Variants in PPM1L observed in about 807,000 individuals in gnomAD.
PPM1L encodes the protein protein phosphatase, Mg2+/Mn2+ dependent 1L.
In PPM1L, 13 loss-of-function variants were observed where a neutral mutation model predicts 31.4. The observed-to-expected ratio is 0.41, with a 90% confidence interval of 0.27 to 0.66. PPM1L has a LOEUF of 0.66. Among genes scored for constraint, PPM1L ranks in the 30% least tolerant of loss-of-function variants. PPM1L has a pLI of 0.29. For synonymous variants in PPM1L, 184 were observed against 175.4 expected (o/e 1.05, Z -0.39); for missense variants, 326 against 453.7 (o/e 0.72, Z 2.56).
intron 3 of PPM1L, 41 bp from the exon 4 acceptor site, chr3:161,068,770 T>C: frequency 6.6e-7 from 1 of 1,523,118 alleles, no homozygotes; most frequent in Non-Finnish European, 8.9e-7. Flanking sequence ...GTAAGTGAGA[T>C]ATCAGCTGGT....
intron 2 of PPM1L, among the ~76,000 whole-genome samples, chr3:160,993,069 A>C (rs1266064341): frequency 1.3e-5 from 2 of 151,302 alleles, no homozygotes; most frequent in African/African-American, 4.9e-5. Flanking sequence ...CTGGTGTTAC[A>C]ACAAGGTTTT....
At chr3:160,967,204 C>A (rs1394810446) in intron 2 of PPM1L, among the ~76,000 whole-genome samples, 5 of 152,002 alleles carry the variant, frequency 3.3e-5, no homozygotes, top group Non-Finnish European at 5.9e-5. Context: ...CCTCTTTCAC[C>A]TTCTGCTATG....
At chr3:160,872,800 G>A (rs186451128) in intron 1 of PPM1L, among the ~76,000 whole-genome samples, 3 of 152,154 alleles carry the variant, frequency 2.0e-5, no homozygotes, top group Middle Eastern at 3.4e-3. Flanking sequence ...GGTGGCAGGC[G>A]CCTCTAGTCC....
At chr3:161,054,754 A>G (rs375452729) in intron 2 of PPM1L, among the ~76,000 whole-genome samples, 2 of 152,270 alleles carry the variant, frequency 1.3e-5, no homozygotes, top group South Asian at 4.1e-4. Context: ...GGCTATTAGG[A>G]TTAAAGAAAT....
At chr3:161,042,856 T>C (rs1264123545) in intron 2 of PPM1L, among the ~76,000 whole-genome samples, 1 of 151,688 alleles carries the variant, frequency 6.6e-6, no homozygotes, top group African/African-American at 2.4e-5. Context: ...CCGTCTCTAC[T>C]AAAAATACAA....
chr3:160,952,979 T>C (rs6441343), intron 1 of PPM1L, among the ~76,000 whole-genome samples: 121,603 of 152,138 alleles, frequency 0.8, 49,603 homozygotes, highest in Middle Eastern at 0.91. Flanking sequence ...ATTTATAAAA[T>C]TGTGAAATTT....
intron 1 of PPM1L, among the ~76,000 whole-genome samples, chr3:160,861,346 G>T (rs1419028688): frequency 6.6e-6 from 1 of 152,210 alleles, no homozygotes; most frequent in Admixed American, 6.5e-5. Flanking sequence ...ACATGAGAAA[G>T]CCGAGATGTT....
intron 2 of PPM1L, among the ~76,000 whole-genome samples, chr3:160,983,814 C>T (rs963426442): frequency 3.9e-5 from 6 of 152,006 alleles, no homozygotes; most frequent in African/African-American, 9.7e-5. Flanking sequence ...GCTGGGTGTC[C>T]GGGGGAGACA....
chr3:160,992,198 C>T (rs1717156111), intron 2 of PPM1L, among the ~76,000 whole-genome samples: 1 of 152,176 alleles, frequency 6.6e-6, no homozygotes, highest in African/African-American at 2.4e-5. Flanking sequence ...GGGTGGGTAA[C>T]TAATAATCCA....
chr3:160,997,257 G>C (rs1013108622), intron 2 of PPM1L, among the ~76,000 whole-genome samples: 1 of 152,146 alleles, frequency 6.6e-6, no homozygotes, highest in Non-Finnish European at 1.5e-5. Flanking sequence ...GTGAAACCAA[G>C]GGGACAGTAA....
intron 1 of PPM1L, among the ~76,000 whole-genome samples, chr3:160,897,702 A>G (rs1713389600): frequency 6.6e-6 from 1 of 152,250 alleles, no homozygotes. Context: ...ATATTCATCA[A>G]AATTCATCTG....
chr3:161,066,356 G>A (rs1466577433), intron 3 of PPM1L, among the ~76,000 whole-genome samples: 1 of 152,142 alleles, frequency 6.6e-6, no homozygotes, highest in African/African-American at 2.4e-5. Flanking sequence ...GCATGGGGGT[G>A]AGGAATGGAG....
At chr3:160,964,247 A>G (rs1716062182) in intron 2 of PPM1L, among the ~76,000 whole-genome samples, 2 of 151,996 alleles carry the variant, frequency 1.3e-5, no homozygotes, top group African/African-American at 2.4e-5. Context: ...TTCCCCAAAA[A>G]TCTTAACTAC....
intron 2 of PPM1L, among the ~76,000 whole-genome samples, chr3:161,018,054 A>T (rs1172590440): frequency 1.3e-5 from 2 of 152,222 alleles, no homozygotes; most frequent in Non-Finnish European, 2.9e-5. Flanking sequence ...TTAAAAAAAA[A>T]GAATGGGGTA....
chr3:160,822,595 A>G (rs1170693324), intron 1 of PPM1L, among the ~76,000 whole-genome samples: 1 of 152,040 alleles, frequency 6.6e-6, no homozygotes, highest in Non-Finnish European at 1.5e-5. Context: ...TTGTAGATAA[A>G]CTTCTTTCCT....
chr3:160,938,322 C>T (rs1035016279), intron 1 of PPM1L, among the ~76,000 whole-genome samples: 23 of 152,146 alleles, frequency 1.5e-4, no homozygotes, highest in Non-Finnish European at 2.9e-4. Context: ...GAGAAACTTC[C>T]GTTTCAATGA....
At chr3:161,005,019 C>T (rs1158387708) in intron 2 of PPM1L, among the ~76,000 whole-genome samples, 2 of 151,958 alleles carry the variant, frequency 1.3e-5, no homozygotes, top group Non-Finnish European at 2.9e-5. Flanking sequence ...TGAATGCGTC[C>T]CAGAGATTCT....
In PPM1L at chr3:160,838,984, G is replaced by A. The variant is rs930350892; in HGVS notation, c.399+82277G>A. Among the ~76,000 whole-genome samples, 6 of 152,136 alleles carry A rather than the reference G, an allele frequency of 3.9e-5. No homozygotes were observed. The East Asian group carries it at 9.6e-4, about 24-fold the overall frequency. On this transcript the variant is annotated intron_variant, in intron 1 of 3. Coordinates refer to ENST00000498165, the MANE Select transcript of PPM1L (RefSeq NM_139245.4). ...GGATTAGATAAGGTCATCAGGGTAG[G>A]CCTCCCATGATGGGACTGGTAGCTT...
chr3:161,050,878 G>T (rs1719252420), intron 2 of PPM1L, among the ~76,000 whole-genome samples: 2 of 152,114 alleles, frequency 1.3e-5, no homozygotes, highest in South Asian at 4.1e-4. Context: ...TCCAAGAATT[G>T]GCATTATTAG....
Sources: allele counts gnomAD v4.1 joint callset (sites outside exome capture counted in the v4.1 genomes callset), GRCh38; gene constraint gnomAD v4.1.1; transcripts MANE v1.5; gene names NCBI Gene and HGNC (gene_info 2026-07-23, HGNC 2026-07-21).